The following OPA3 variants were observed in gnomAD, a reference collection of about 807,000 sequenced individuals.
The protein encoded by OPA3 is outer mitochondrial membrane lipid metabolism regulator OPA3.
In OPA3, 6 loss-of-function variants were observed where a neutral mutation model predicts 4.0. That is an observed-to-expected ratio of 1.51 (90% CI 0.83 to 2.99). The LOEUF is 2.99. Ranked by LOEUF, OPA3 falls within the 30% of genes most tolerant of loss-of-function variation. OPA3 has a pLI of 0.00. For missense variants in OPA3, 235 were observed against 256.2 expected (o/e 0.92, Z 0.56); for synonymous variants, 105 against 117.1 (o/e 0.90, Z 0.67).
chr19:45,545,163 T>TAAA (rs1969231899), downstream of OPA3, among the ~76,000 whole-genome samples: 1 of 36,560 alleles, frequency 2.7e-5, no homozygotes, highest in Admixed American at 3.5e-4. Context: ...AGACACCGTC[T>TAAA]CAAAAAAAAA....
At chr19:45,560,511 C>T (rs900721205) in intron 1 of OPA3, among the ~76,000 whole-genome samples, 2 of 152,190 alleles carry the variant, frequency 1.3e-5, no homozygotes, top group East Asian at 3.8e-4. Flanking sequence ...TCTCCCTTCT[C>T]TCTCTCCTGA....
At chr19:45,535,861 C>G (rs745555859) in intron 1 of OPA3, among the ~76,000 whole-genome samples, 1 of 149,954 alleles carries the variant, frequency 6.7e-6, no homozygotes, top group African/African-American at 2.5e-5. Flanking sequence ...ATCTCCTGAG[C>G]TCAAGAGATT....
intron 1 of OPA3, among the ~76,000 whole-genome samples, chr19:45,537,171 C>T (rs1390430034): frequency 1.3e-5 from 2 of 151,828 alleles, no homozygotes; most frequent in African/African-American, 4.8e-5. Flanking sequence ...GTTGGTCAGG[C>T]TTGTCTCGAA....
chr19:45,553,191 A>G lies in OPA3; in HGVS notation c.*323T>C. The G allele has an allele frequency of 1.5e-6, 2 of 1,331,272 alleles. No individual in the cohort carries two copies. The highest frequency in any genetic ancestry group is 3.3e-5 in the East Asian group (1 of 30,384). 82.5% of individuals were successfully genotyped at this position (1,331,272 alleles called of 1,614,324 possible). Reference sequence around the variant, plus strand: ...CCGGGGGTGGGGGTAACAATAACACATTGATTCAGCTCAAGACCAGGTTCC... The same window carrying G: ...CCGGGGGTGGGGGTAACAATAACACGTTGATTCAGCTCAAGACCAGGTTCC... On this transcript the variant is annotated 3_prime_UTR_variant, in exon 2 of 2. Transcript: ENST00000263275.
intron 1 of OPA3, among the ~76,000 whole-genome samples, chr19:45,579,075 A>T (rs1261323674): frequency 6.6e-6 from 1 of 152,030 alleles, no homozygotes; most frequent in Non-Finnish European, 1.5e-5. Context: ...CCAGATGGCA[A>T]TGCTGCTCGT....
At chr19:45,540,474 T>A (rs532522705) in intron 1 of OPA3, among the ~76,000 whole-genome samples, 1 of 148,408 alleles carries the variant, frequency 6.7e-6, no homozygotes, top group Admixed American at 6.8e-5. Context: ...AGTGGGAAGA[T>A]CGCTTGAGCC....
In OPA3 at chr19:45,553,265, T is replaced by C; in HGVS notation, c.*249A>G. The stretch of plus-strand genomic sequence containing the variant: ...CACGGTGTCCTGCTGGCTGGGACCT[T>C]GCAGGTCGTCCTGGTTTGGAGTGGG... On this transcript the variant is annotated 3_prime_UTR_variant, in exon 2 of 2. Coordinates refer to ENST00000263275, the MANE Select transcript of OPA3 (RefSeq NM_025136.4). The C allele has an allele frequency of 7.0e-7, 1 of 1,421,196 alleles. No homozygotes were observed. The highest frequency in any genetic ancestry group is 1.5e-5 in the South Asian group (1 of 66,658). The allele number at this position is 1,421,196 out of a possible 1,614,324, so 88.0% of individuals were successfully genotyped here.
At position 45,549,179 on chromosome 19, in the gene OPA3, A is replaced by G. The variant is rs1568400387; in HGVS notation, c.*4335T>C. 4.1e-6 allele frequency: 4 copies of G among 985,250 alleles called. No homozygotes were observed. Among genetic ancestry groups the G allele is most frequent in the Non-Finnish European group, 4.8e-6 (4 of 829,900 alleles). The allele number at this position is 985,250 out of a possible 1,614,324, so 61.0% of individuals were successfully genotyped here. A position where few individuals can be genotyped will look rare whatever the true frequency, so the allele number is the denominator to read the frequency against. ...CAGCTTCATTTACAAATTTATTCTA[A>G]CCCCTCTCCCCAAATTACAAGGTAC... On this transcript the variant is annotated 3_prime_UTR_variant, in exon 2 of 2. Transcript: ENST00000263275.
chr19:45,558,886 G>C (rs996327218), intron 1 of OPA3, among the ~76,000 whole-genome samples: 1 of 151,108 alleles, frequency 6.6e-6, no homozygotes, highest in African/African-American at 2.4e-5. Context: ...ATGAGACTTT[G>C]GTGCTTTTTT....
intron 1 of OPA3, among the ~76,000 whole-genome samples, chr19:45,581,621 GGGCAGA>G (rs1969856831): frequency 6.6e-6 from 1 of 152,220 alleles, no homozygotes; most frequent in Non-Finnish European, 1.5e-5. Flanking sequence ...GCCTGGCACA[GGGCAGA>G]GGCTCACAAA....
chr19:45,553,649 C>T lies in OPA3; in HGVS notation c.405G>A (p.Ala135=), dbSNP rs750848548. 11 of 1,605,170 alleles carry T rather than the reference C, an allele frequency of 6.9e-6. No individual in the cohort carries two copies. The highest frequency in any genetic ancestry group is 2.2e-5 in the East Asian group (1 of 44,808). ...GCGCCGCCTGCACCTGCGCCTGCAG[C>T]GCTTCCAGCGCCAGCGCCAGGTGGC... is the stretch of plus-strand genomic sequence containing the variant. ...EVGHLALALE[A]LQAQVQAAPP... The change falls in exon 2 of 2, where the codon GCG becomes GCA. Residue 135 remains alanine (A), a synonymous_variant. Coordinates refer to ENST00000263275, the MANE Select transcript of OPA3 (RefSeq NM_025136.4).
intron 1 of OPA3, among the ~76,000 whole-genome samples, chr19:45,576,543 C>G (rs370123228): frequency 3.6e-5 from 3 of 82,670 alleles, no homozygotes; most frequent in East Asian, 6.2e-4. Context: ...CATCCCCCCC[C>G]CCCCAAAAAA....
chr19:45,537,410 A>AAAAAAAAAAAAAAAAAAG (rs1555730890), intron 1 of OPA3, among the ~76,000 whole-genome samples: 5 of 120,062 alleles, frequency 4.2e-5, no homozygotes, highest in African/African-American at 6.6e-5. Context: ...AAAAAAAAAA[A>AAAAAAAAAAAAAAAAAAG]AAAAAAAAAA....
Position 45,546,429 on chromosome 19 carries a change from T to C in OPA3, c.*7085A>G, listed in dbSNP as rs67373144. The C allele has an allele frequency of 0.019, 10,807 of 560,906 alleles. 145 individuals carry two copies. The highest frequency in any genetic ancestry group is 0.032 in the South Asian group (400 of 12,410). 34.7% of individuals were successfully genotyped at this position (560,906 alleles called of 1,614,324 possible). ...ATTGTGTCACATAATATATGAATTA[T>C]ACACTTTTAAAATACATAGAATTGT... On this transcript the variant is annotated 3_prime_UTR_variant, in exon 2 of 2. Coordinates refer to ENST00000263275, the MANE Select transcript of OPA3 (RefSeq NM_025136.4).
At chr19:45,533,461 T>C (rs1969081973) in intron 1 of OPA3, among the ~76,000 whole-genome samples, 1 of 152,266 alleles carries the variant, frequency 6.6e-6, no homozygotes, top group South Asian at 2.1e-4. Context: ...CCCAGAGTGC[T>C]GGGATTACAT....
rs964020743 is a variant in OPA3 at position 45,534,779 on chromosome 19, C to T, written c.143-5323G>A. ...TCCCGAGTAGCTGGGACTACAGGCA[C>T]GCGCCACCATGCCCGGCTAATTTTT... On this transcript the variant is annotated intron_variant, in intron 1 of 1. Transcript: ENST00000323060. Among the ~76,000 whole-genome samples the T allele has an allele frequency of 1.6e-4, 25 of 151,626 alleles. No individual in the cohort carries two copies. The East Asian group carries it at 2.6e-3, about 16-fold the overall frequency.
chr19:45,573,190 C>T (rs897500490), intron 1 of OPA3, among the ~76,000 whole-genome samples: 2 of 152,038 alleles, frequency 1.3e-5, no homozygotes, highest in African/African-American at 4.8e-5. Context: ...CTGTTGCCTG[C>T]CCAATTCCCC....
Position 45,584,315 on chromosome 19 carries a change from C to T in OPA3, c.142+308G>A, listed in dbSNP as rs981052545. On this transcript the variant is annotated intron_variant, in intron 1 of 1. Transcript: ENST00000263275. ...CCCTAGCTCCTCTATCCTGGAAAGC[C>T]CCGTCCAAATTTCTCCCATCTCTCA... The T allele has an allele frequency of 3.4e-5, 33 of 984,530 alleles. No homozygotes were observed. The South Asian group carries it at 1.3e-3, about 39-fold the overall frequency. 61.0% of individuals were successfully genotyped at this position (984,530 alleles called of 1,614,324 possible). A position where few individuals can be genotyped will look rare whatever the true frequency, so the allele number is the denominator to read the frequency against.
In OPA3 at chr19:45,584,781, G is replaced by T. The variant is rs757005901; in HGVS notation, c.-17C>A. Reference sequence around the variant, plus strand: ...CACCACCATCTTGGCGGTCTCACAGGGCACGCGCAACCTTGCTGACTGGGC... The same window carrying T: ...CACCACCATCTTGGCGGTCTCACAGTGCACGCGCAACCTTGCTGACTGGGC... On this transcript the variant is annotated 5_prime_UTR_variant, in exon 1 of 2. Coordinates refer to ENST00000263275, the MANE Select transcript of OPA3 (RefSeq NM_025136.4). 6.2e-7 allele frequency: 1 copy of T among 1,613,128 alleles called. No individual in the cohort carries two copies. Among genetic ancestry groups the T allele is most frequent in the East Asian group, 2.2e-5 (1 of 44,878 alleles).
Sources: gnomAD v4.1 joint callset for allele counts (sites outside exome capture counted in the v4.1 genomes callset) on GRCh38, gnomAD v4.1.1 for gene constraint, MANE v1.5 for transcripts, NCBI Gene and HGNC (gene_info 2026-07-23, HGNC 2026-07-21) for gene names.